The following SBNO2 variants were observed in gnomAD, a reference collection of about 807,000 sequenced individuals.
The protein encoded by SBNO2 is strawberry notch homolog 2, also known as protein strawberry notch homolog 2.
SBNO2 carries 89 observed loss-of-function variants against 146.3 expected under a neutral mutation model. The observed-to-expected ratio is 0.61, with a 90% CI of 0.51 to 0.73. The LOEUF is 0.73. Ranked by LOEUF, SBNO2 falls within the 30% of genes least tolerant of loss-of-function variation. The pLI is 0.00. For missense variants in SBNO2, 2,092 were observed against 2,003.7 expected (o/e 1.04, Z -0.84); for synonymous variants, 1,147 against 892.6 (o/e 1.29, Z -5.08).
In SBNO2 at chr19:1,157,859, G is replaced by A. The variant is rs931975030; in HGVS notation, c.-126-3457C>T. On this transcript the variant is annotated intron_variant, in intron 1 of 31. Coordinates refer to ENST00000361757, the MANE Select transcript of SBNO2 (RefSeq NM_014963.3). This position sits in a 1 kb window ranked among gnomAD's most constrained non-coding sequence, Gnocchi z 6.8. ...CGTCCGCCTCCCAGCTCTCTCTCTT[G>A]AGTCCGGGTAACTGCATCTGCCTCC... 6.6e-6 allele frequency among the ~76,000 whole-genome samples: 1 copy of A among 150,970 alleles called. No individual in the cohort carries two copies. The highest frequency in any genetic ancestry group is 1.5e-5 in the Non-Finnish European group (1 of 67,916).
chr19:1,112,807 C>A lies in SBNO2; in HGVS notation c.2379+11G>T, dbSNP rs1351836233. On this transcript the variant is annotated intron_variant, in intron 20 of 31. Coordinates refer to ENST00000361757, the MANE Select transcript of SBNO2 (RefSeq NM_014963.3). The surrounding 1 kb of genome is among the most constrained non-coding windows in gnomAD (Gnocchi z 5.9). ...CCCGTGGGCCGCGCCCAGTGCACTG[C>A]AGCCCCGCACCTTCTCGCCGCTCAT... The A allele has an allele frequency of 6.4e-7, 1 of 1,562,440 alleles. No individual in the cohort carries two copies. The highest frequency in any genetic ancestry group is 1.9e-5 in the Admixed American group (1 of 53,050).
At position 1,110,019 on chromosome 19, in the gene SBNO2, C is replaced by T. The variant is rs908476492; in HGVS notation, c.3029-242G>A. Among the ~76,000 whole-genome samples, 3 of 151,552 alleles carry T rather than the reference C, an allele frequency of 2.0e-5. No individual in the cohort carries two copies. Among genetic ancestry groups the T allele is most frequent in the African/African-American group, 4.9e-5 (2 of 41,094 alleles). On this transcript the variant is annotated intron_variant, in intron 26 of 31. Transcript: ENST00000361757. This position sits in a 1 kb window ranked among gnomAD's most constrained non-coding sequence, Gnocchi z 4.9. ...TGGGGGATCGTGGGAGCCTGGGGGC[C>T]GCTCAGGTCCTATGTAACCCCGAGC...
chr19:1,131,491 G>A (rs544467247), intron 4 of SBNO2, among the ~76,000 whole-genome samples: 1 of 152,266 alleles, frequency 6.6e-6, no homozygotes, highest in South Asian at 2.1e-4. Flanking sequence ...TCCTGCCCTG[G>A]GCAGCCAACT....
At position 1,109,089 on chromosome 19, in the gene SBNO2, TCGC is replaced by T. The variant is rs1014417461; in HGVS notation, c.3425+43_3425+45del. The T allele has an allele frequency of 1.5e-5, 23 of 1,541,002 alleles. No individual in the cohort carries two copies. Among genetic ancestry groups the T allele is most frequent in the East Asian group, 4.9e-5 (2 of 40,806 alleles). ...CGGGAGCCCCCGATCCCCGCCTGGG[TCGC>T]CGCCATCTGCCGGTTTCCCCCTGGT... On this transcript the variant is annotated intron_variant, in intron 30 of 31. Transcript: ENST00000361757. The surrounding 1 kb of genome is among the most constrained non-coding windows in gnomAD (Gnocchi z 4.2).
At chr19:1,170,120 A>G (rs1206793047) in intron 1 of SBNO2, among the ~76,000 whole-genome samples, 2 of 152,170 alleles carry the variant, frequency 1.3e-5, no homozygotes, top group East Asian at 3.8e-4. Flanking sequence ...CAGAGCATCC[A>G]TGCCGGGCGC....
chr19:1,117,737 C>A (rs372783590), intron 14 of SBNO2, among the ~76,000 whole-genome samples: 1 of 152,370 alleles, frequency 6.6e-6, no homozygotes, highest in African/African-American at 2.4e-5. Context: ...ACAGACTCCG[C>A]GCCCGCGGCA....
chr19:1,111,423 A>G (rs1219941027), intron 24 of SBNO2, 83 bp downstream of exon 24: 2 of 976,506 alleles, frequency 2.0e-6, no homozygotes, highest in African/African-American at 3.3e-5. Context: ...CCGGCCTACA[A>G]AGCCTGCTGC....
intron 15 of SBNO2, 70 bp downstream of exon 15, chr19:1,117,253 C>A: frequency 1.4e-6 from 2 of 1,447,138 alleles, no homozygotes; most frequent in South Asian, 2.7e-5. Flanking sequence ...CAGGAAGGAC[C>A]TGGAAGAAGA....
chr19:1,129,152 A>G (rs2145246209), intron 4 of SBNO2, among the ~76,000 whole-genome samples: 2 of 152,204 alleles, frequency 1.3e-5, no homozygotes, highest in Middle Eastern at 3.4e-3. Context: ...CTGTAATCCT[A>G]GCTACTCGAG....
intron 18 of SBNO2, 127 bp from the exon 19 acceptor site, chr19:1,113,831 C>G (rs1040644856): frequency 8.2e-7 from 1 of 1,216,692 alleles, no homozygotes; most frequent in Non-Finnish European, 1.1e-6. Context: ...GGCAGGGTGG[C>G]GGGGAAGCCC....
At position 1,170,802 on chromosome 19, in the gene SBNO2, GCACA is replaced by G. The variant is rs572700151; in HGVS notation, c.-127+3366_-127+3369del. Among the ~76,000 whole-genome samples, 292 of 151,836 alleles carry G rather than the reference GCACA, an allele frequency of 1.9e-3. 1 individual carries two copies. The highest frequency in any genetic ancestry group is 7.0e-3 in the African/African-American group (289 of 41,370). ...GGCAACATGCGGGCACACACAACAT[GCACA>G]CAAAGTACACGTTTGCATGAGCACG... On this transcript the variant is annotated intron_variant, in intron 1 of 31. Transcript: ENST00000361757.
At chr19:1,171,769 G>GGA (rs1276144349) in intron 1 of SBNO2, among the ~76,000 whole-genome samples, 1 of 152,134 alleles carries the variant, frequency 6.6e-6, no homozygotes, top group African/African-American at 2.4e-5. Context: ...AAGTGGGTGG[G>GGA]GGGTCTAGGG....
intron 24 of SBNO2, 56 bp from the exon 25 acceptor site, chr19:1,111,149 G>C: frequency 3.3e-6 from 5 of 1,514,194 alleles, no homozygotes; most frequent in Non-Finnish European, 4.4e-6. Context: ...CTCCCTCGAA[G>C]CCCCTAGCTC....
chr19:1,110,955 C>G lies in SBNO2; in HGVS notation c.2884+64G>C. ...CCCTCTCCCTGCTTTGCTCACCACC[C>G]GAGGCCAAGGTTGCATGAGATGAGA... On this transcript the variant is annotated intron_variant, in intron 25 of 31. Transcript: ENST00000361757. The surrounding 1 kb of genome is among the most constrained non-coding windows in gnomAD (Gnocchi z 4.9). 6.2e-7 allele frequency: 1 copy of G among 1,610,474 alleles called. No homozygotes were observed. Among genetic ancestry groups the G allele is most frequent in the Non-Finnish European group, 8.5e-7 (1 of 1,177,612 alleles).
chr19:1,141,757 G>A lies in SBNO2; in HGVS notation c.279+5552C>T, dbSNP rs184322975. Among the ~76,000 whole-genome samples, 256 of 152,148 alleles carry A rather than the reference G, an allele frequency of 1.7e-3. 2 individuals carry two copies. The highest frequency in any genetic ancestry group is 1.3e-3 in the Non-Finnish European group (91 of 67,980). ...CAAATAGATGGGACCCAAATACTGG[G>A]ACTACAGGCTTGCACCACCATGCCC... On this transcript the variant is annotated intron_variant, in intron 4 of 31. Transcript: ENST00000361757.
chr19:1,112,605 C>CA lies in SBNO2; in HGVS notation c.2380-69dup. On this transcript the variant is annotated intron_variant, in intron 20 of 31. Transcript: ENST00000361757. This position sits in a 1 kb window ranked among gnomAD's most constrained non-coding sequence, Gnocchi z 5.9. ...CGCCCCAGCGTTGCCGCCACCTCCT[C>CA]ACCCACTAGGCCCCCGCTCCAGGTC... 1 of 1,501,996 alleles carries CA rather than the reference C, an allele frequency of 6.7e-7. No homozygotes were observed. Among genetic ancestry groups the CA allele is most frequent in the Non-Finnish European group, 8.9e-7 (1 of 1,128,470 alleles). The allele number at this position is 1,501,996 out of a possible 1,614,324, so 93.0% of individuals were successfully genotyped here. A position where few individuals can be genotyped will look rare whatever the true frequency, so the allele number is the denominator to read the frequency against.
intron 1 of SBNO2, among the ~76,000 whole-genome samples, chr19:1,162,247 C>A: frequency 1.1e-3 from 1 of 948 alleles, no homozygotes; most frequent in Non-Finnish European, 2.3e-3. Context: ...ATCACGAGGT[C>A]AGGAGATCGA....
At chr19:1,137,045 A>ATC (rs200458046) in intron 4 of SBNO2, among the ~76,000 whole-genome samples, 1,926 of 150,334 alleles carry the variant, frequency 0.013, 27 homozygotes, top group Non-Finnish European at 0.021. Flanking sequence ...GACGCAAGGG[A>ATC]TCTGGGTGAT....
rs1327321270 is a variant in SBNO2 at position 1,122,279 on chromosome 19, TG to T, written c.1008del (p.Lys337SerfsTer19). On this transcript the variant is annotated frameshift_variant and splice_region_variant, in exon 11 of 32. Transcript: ENST00000361757. LOFTEE classifies it high-confidence loss of function. ...TCTGAGGTAGTGGTGTCACCGTACT[TG>T]ATCTGGGGATGCACAGAACAGGTGT... ...TGIAVHALSKIKYGDTTTSEG... is the reference protein window; with the variant it reads ...TGIAVHALSKXKYGDTTTSEG... 6.4e-7 allele frequency: 1 copy of T among 1,561,616 alleles called. No homozygotes were observed. Among genetic ancestry groups the T allele is most frequent in the Non-Finnish European group, 8.7e-7 (1 of 1,152,762 alleles).
Sources: allele counts gnomAD v4.1 joint callset (sites outside exome capture counted in the v4.1 genomes callset), GRCh38; gene constraint gnomAD v4.1.1; non-coding constraint Gnocchi (gnomAD v3.1); transcripts MANE v1.5; gene names NCBI Gene and HGNC (gene_info 2026-07-23, HGNC 2026-07-21).